The following UMAD1 variants were observed in gnomAD, a reference collection of about 807,000 sequenced individuals.
The protein encoded by UMAD1 is UBAP1-MVB12-associated (UMA) domain containing 1, also known as UBAP1-MVB12-associated (UMA)-domain containing protein 1.
In UMAD1, 8 loss-of-function variants were observed where a neutral mutation model predicts 6.1. That is an observed-to-expected ratio of 1.30 (90% confidence interval 0.76 to 2.35). The LOEUF (loss-of-function observed/expected upper bound fraction) is 2.35, where lower values mean the gene tolerates loss of function less well. Ranked by LOEUF, UMAD1 falls within the 30% of genes most tolerant of loss-of-function variation. UMAD1 has a pLI of 0.00. For missense variants in UMAD1, 130 were observed against 78.4 expected (o/e 1.66, Z -2.49); for synonymous variants, 56 against 31.4 (o/e 1.78, Z -2.61).
chr7:7,843,917 C>T (rs925433856), intron 3 of UMAD1, among the ~76,000 whole-genome samples: 1 of 152,168 alleles, frequency 6.6e-6, no homozygotes, highest in South Asian at 2.1e-4. Context: ...GCCCCTGCAC[C>T]CTTGCCTGCC....
intron 1 of UMAD1, chr7:7,641,111 A>G (rs1784961185): frequency 6.6e-6 from 1 of 152,350 alleles, no homozygotes; most frequent in Non-Finnish European, 1.5e-5. Context: ...GGCTTTTGCC[A>G]CTTGTTGGCT....
intron 2 of UMAD1, among the ~76,000 whole-genome samples, chr7:7,768,984 AG>A (rs1316994219): frequency 2.0e-5 from 3 of 152,158 alleles, no homozygotes; most frequent in South Asian, 2.1e-4. Context: ...GATTAAAAGG[AG>A]GGGGCTAGAA....
At chr7:7,810,689 T>G (rs1583842418) in intron 3 of UMAD1, among the ~76,000 whole-genome samples, 1 of 152,284 alleles carries the variant, frequency 6.6e-6, no homozygotes. Flanking sequence ...CTATAATGAA[T>G]GTATCTTATA....
intron 3 of UMAD1, 88 bp downstream of exon 3, chr7:7,801,831 C>T (rs1050510608): frequency 4.4e-6 from 3 of 685,028 alleles, no homozygotes; most frequent in African/African-American, 3.5e-5. Flanking sequence ...GTAACTTCTG[C>T]TCTTGCTATG....
At chr7:7,732,233 TC>T (rs1371480108) in intron 2 of UMAD1, among the ~76,000 whole-genome samples, 5 of 152,074 alleles carry the variant, frequency 3.3e-5, no homozygotes, top group Non-Finnish European at 4.4e-5. Flanking sequence ...GAGTAGATCC[TC>T]CCATGAAGTT....
At chr7:7,747,338 T>G (rs1050627089) in intron 2 of UMAD1, among the ~76,000 whole-genome samples, 1 of 152,226 alleles carries the variant, frequency 6.6e-6, no homozygotes, top group Non-Finnish European at 1.5e-5. Context: ...TAACACTTGC[T>G]ATATCATAGA....
intron 2 of UMAD1, among the ~76,000 whole-genome samples, chr7:7,763,266 A>C (rs1781925308): frequency 6.6e-6 from 1 of 152,154 alleles, no homozygotes; most frequent in Admixed American, 6.5e-5. Context: ...CTTCAATTAA[A>C]TTTTAGCCTG....
Position 7,801,755 on chromosome 7 carries a change from A to G in UMAD1, c.156+12A>G. 1 of 717,586 alleles carries G rather than the reference A, an allele frequency of 1.4e-6. No homozygotes were observed. The allele number at this position is 717,586 out of a possible 1,614,324, so 44.5% of individuals were successfully genotyped here. ...ACCAACCTTTGGAGGTAAGTGAAAC[A>G]GAGTAAGTCCTTTTCGGTGAAACTG... On this transcript the variant is annotated intron_variant, in intron 3 of 3. Transcript: ENST00000682710.
chr7:7,740,529 A>G (rs951851530), intron 2 of UMAD1, among the ~76,000 whole-genome samples: 1 of 152,242 alleles, frequency 6.6e-6, no homozygotes, highest in Non-Finnish European at 1.5e-5. Flanking sequence ...TTCAAGTATA[A>G]GTTGGTATTG....
chr7:7,710,954 A>G (rs1467889274), intron 2 of UMAD1, among the ~76,000 whole-genome samples: 1 of 152,232 alleles, frequency 6.6e-6, no homozygotes, highest in African/African-American at 2.4e-5. Flanking sequence ...AACGTACTGT[A>G]TGACTTCATT....
chr7:7,678,749 AATAT>A (rs1191311808), intron 2 of UMAD1, among the ~76,000 whole-genome samples: 25 of 112,246 alleles, frequency 2.2e-4, no homozygotes, highest in Admixed American at 2.8e-4. Flanking sequence ...TTAGTTTATA[AATAT>A]ATATTTATAT....
intron 2 of UMAD1, among the ~76,000 whole-genome samples, chr7:7,713,227 C>G (rs1391944053): frequency 6.6e-6 from 1 of 151,860 alleles, no homozygotes; most frequent in African/African-American, 2.4e-5. Context: ...ACCTGTAGTC[C>G]CAGCTACTCA....
At chr7:7,802,869 T>C (rs767499835) in intron 3 of UMAD1, among the ~76,000 whole-genome samples, 14 of 152,222 alleles carry the variant, frequency 9.2e-5, no homozygotes, top group Admixed American at 5.9e-4. Context: ...TTTTAAGAGA[T>C]ATTTTTATTT....
At chr7:7,680,075 G>A (rs1178861692) in intron 2 of UMAD1, among the ~76,000 whole-genome samples, 1 of 151,900 alleles carries the variant, frequency 6.6e-6, no homozygotes, top group African/African-American at 2.4e-5. Flanking sequence ...TTTTGCTTTG[G>A]TTGCCTGTGC....
intron 3 of UMAD1, among the ~76,000 whole-genome samples, chr7:7,873,868 A>T (rs1784370688): frequency 6.6e-6 from 1 of 152,178 alleles, no homozygotes; most frequent in Non-Finnish European, 1.5e-5. Flanking sequence ...CTACTGGCCC[A>T]TATATGTTTC....
intron 2 of UMAD1, among the ~76,000 whole-genome samples, chr7:7,756,101 A>G (rs115522674): frequency 7.8e-4 from 119 of 152,358 alleles, no homozygotes; most frequent in African/African-American, 2.8e-3. Flanking sequence ...ATGAAGTGAT[A>G]TCAGAGTAAA....
At chr7:7,652,316 C>G (rs1019904754) in intron 1 of UMAD1, among the ~76,000 whole-genome samples, 1 of 152,092 alleles carries the variant, frequency 6.6e-6, no homozygotes, top group East Asian at 1.9e-4. Context: ...TCATGCAGTT[C>G]GTGGAAGTTT....
intron 1 of UMAD1, among the ~76,000 whole-genome samples, chr7:7,642,355 T>C (rs1027856643): frequency 6.6e-6 from 1 of 152,014 alleles, no homozygotes; most frequent in Non-Finnish European, 1.5e-5. Flanking sequence ...GGCCTCGCCA[T>C]GTTGACCAGG....
At chr7:7,850,809 TG>T (rs1783901047) in intron 3 of UMAD1, among the ~76,000 whole-genome samples, 1 of 152,112 alleles carries the variant, frequency 6.6e-6, no homozygotes, top group African/African-American at 2.4e-5. Flanking sequence ...GTGAAGGATT[TG>T]GGGGTCTTAC....
Sources: gnomAD v4.1 joint callset for allele counts (sites outside exome capture counted in the v4.1 genomes callset) on GRCh38, gnomAD v4.1.1 for gene constraint, MANE v1.5 for transcripts, NCBI Gene and HGNC (gene_info 2026-07-23, HGNC 2026-07-21) for gene names.